CFAP77: variants seen among roughly 807,000 people sequenced by gnomAD.
CFAP77 encodes the protein cilia and flagella associated protein 77, also known as cilia- and flagella-associated protein 77.
In CFAP77, 25 loss-of-function variants were observed where a neutral mutation model predicts 31.1. That is an observed-to-expected ratio of 0.80 (90% confidence interval 0.59 to 1.12). CFAP77 has a LOEUF of 1.12. CFAP77 is among the 50% of genes most tolerant of loss of function. CFAP77 has a pLI of 0.00. For missense variants in CFAP77, 377 were observed against 397.3 expected (o/e 0.95, Z 0.44); for synonymous variants, 151 against 159.9 (o/e 0.94, Z 0.42).
At chr9:132,540,762 C>T (rs189771937) in intron 4 of CFAP77, among the ~76,000 whole-genome samples, 178 of 152,244 alleles carry the variant, frequency 1.2e-3, no homozygotes, top group Admixed American at 3.8e-3. Context: ...TTCAGATTAT[C>T]AGGATGTTCT....
intron 1 of CFAP77, among the ~76,000 whole-genome samples, chr9:132,479,280 A>G (rs1851404064): frequency 6.6e-6 from 1 of 152,186 alleles, no homozygotes; most frequent in Non-Finnish European, 1.5e-5. Context: ...CACAGTGCTC[A>G]GCCATCTTTT....
chr9:132,459,581 GTGTA>G (rs1007326134), intron 1 of CFAP77, among the ~76,000 whole-genome samples: 2 of 148,802 alleles, frequency 1.3e-5, no homozygotes, highest in African/African-American at 2.5e-5. Flanking sequence ...GTGCATGTAT[GTGTA>G]TGTATATATA....
rs1157577817 is a variant in CFAP77 at position 132,444,391 on chromosome 9, CTTA to C, written c.195+33930_195+33932del. On this transcript the variant is annotated intron_variant, in intron 1 of 5. Transcript: ENST00000393216. ...TGTGCTCTCTCCTTTGAGAATCTGCCTTATTATGGGCTGGATCCATGCCAGGAA... is the reference window on the plus strand; with the variant it reads ...TGTGCTCTCTCCTTTGAGAATCTGCCTTATGGGCTGGATCCATGCCAGGAA... Among the ~76,000 whole-genome samples the C allele has an allele frequency of 2.0e-5, 3 of 152,216 alleles. No homozygotes were observed. In the East Asian group the frequency reaches 5.8e-4, roughly 29 times the overall value.
In CFAP77 at chr9:132,483,193, C is replaced by T. The variant is rs139056067; in HGVS notation, c.196-15502C>T. ...GGCTGAGGCAGGACAATCGCTTGAA[C>T]CCAGGAGGCAGAGGTTGCAGTGAGC... On this transcript the variant is annotated intron_variant, in intron 1 of 5. Coordinates refer to ENST00000393216, the MANE Select transcript of CFAP77 (RefSeq NM_001282957.2). Among the ~76,000 whole-genome samples, 1,324 of 152,198 alleles carry T rather than the reference C, an allele frequency of 8.7e-3. 13 individuals carry two copies. Among genetic ancestry groups the T allele is most frequent in the African/African-American group, 0.03 (1,263 of 41,506 alleles).
intron 3 of CFAP77, among the ~76,000 whole-genome samples, chr9:132,536,418 G>T (rs903398208): frequency 3.1e-5 from 4 of 129,724 alleles, no homozygotes; most frequent in African/African-American, 1.1e-4. Context: ...TTTGGAGACA[G>T]AGTCTTGCTA....
At chr9:132,542,873 C>T in intron 4 of CFAP77, 73 bp from the exon 5 acceptor site, 1 of 1,193,218 alleles carries the variant, frequency 8.4e-7, no homozygotes, top group South Asian at 1.2e-5. Flanking sequence ...CCCTCTGTCT[C>T]TATATCCCTT....
intron 1 of CFAP77, among the ~76,000 whole-genome samples, chr9:132,438,865 TTTTTC>T (rs746589788): frequency 8.6e-5 from 13 of 150,456 alleles, no homozygotes; most frequent in African/African-American, 1.7e-4. Flanking sequence ...TGTTTTTTCT[TTTTTC>T]TTTTCTTTTC....
intron 1 of CFAP77, among the ~76,000 whole-genome samples, chr9:132,478,023 AT>A (rs1174141224): frequency 1.3e-5 from 2 of 151,516 alleles, no homozygotes; most frequent in Admixed American, 6.6e-5. Context: ...GTGTGGTGGA[AT>A]TTTTTTTTCC....
chr9:132,513,224 A>G lies in CFAP77; in HGVS notation c.524+13624A>G, dbSNP rs766123075. 3 of 1,532,456 alleles carry G rather than the reference A, an allele frequency of 2.0e-6. No homozygotes were observed. The South Asian group carries it at 3.7e-5, about 19-fold the overall frequency. 94.9% of individuals were successfully genotyped at this position (1,532,456 alleles called of 1,614,324 possible). On this transcript the variant is annotated intron_variant, in intron 3 of 5. Coordinates refer to ENST00000393216, the MANE Select transcript of CFAP77 (RefSeq NM_001282957.2). ...TATTGACTCTAGTCAAGGGAGCAAA[A>G]CATTTTAACCAATCCTTTCTTTTGT... is the stretch of plus-strand genomic sequence containing the variant.
chr9:132,444,977 T>TC (rs1378480973), intron 1 of CFAP77, among the ~76,000 whole-genome samples: 4 of 148,648 alleles, frequency 2.7e-5, no homozygotes, highest in South Asian at 2.1e-4. Context: ...TTTCTTTCTT[T>TC]TTTTTTTTTT....
In CFAP77 at chr9:132,538,816, G is replaced by A. The variant is rs375121944; in HGVS notation, c.630+1110G>A. On this transcript the variant is annotated intron_variant, in intron 4 of 5. Coordinates refer to ENST00000393216, the MANE Select transcript of CFAP77 (RefSeq NM_001282957.2). ...AGAATGGTACTTCCTGGCTGGGTACGGTGGCTCACACCTGTAATCCCAGCA... is the reference window on the plus strand; with the variant it reads ...AGAATGGTACTTCCTGGCTGGGTACAGTGGCTCACACCTGTAATCCCAGCA... Among the ~76,000 whole-genome samples, 75 of 151,496 alleles carry A rather than the reference G, an allele frequency of 5.0e-4. 1 individual carries two copies. The South Asian group carries it at 0.014, about 29-fold the overall frequency.
intron 1 of CFAP77, among the ~76,000 whole-genome samples, chr9:132,419,464 A>G (rs991624386): frequency 3.9e-5 from 6 of 152,208 alleles, no homozygotes; most frequent in Non-Finnish European, 8.8e-5. Context: ...AAGATGGGGC[A>G]CCCAAAAAGG....
intron 5 of CFAP77, among the ~76,000 whole-genome samples, chr9:132,570,898 T>A (rs182348648): frequency 6.6e-6 from 1 of 152,270 alleles, no homozygotes; most frequent in East Asian, 1.9e-4. Flanking sequence ...GGGGCAGCCC[T>A]GAACCACACT....
At chr9:132,482,960 T>TA (rs11453776) in intron 1 of CFAP77, among the ~76,000 whole-genome samples, 66,424 of 140,900 alleles carry the variant, frequency 0.47, 16,375 homozygotes, top group East Asian at 0.65. Flanking sequence ...AATAATAATT[T>TA]AAAAAAAAAA....
intron 3 of CFAP77, among the ~76,000 whole-genome samples, chr9:132,535,794 T>C (rs545962780): frequency 1.6e-4 from 24 of 152,262 alleles, no homozygotes; most frequent in Non-Finnish European, 3.1e-4. Context: ...TGACATACAA[T>C]TAGGTTCATT....
At chr9:132,459,578 T>C (rs1376982562) in intron 1 of CFAP77, among the ~76,000 whole-genome samples, 1 of 148,548 alleles carries the variant, frequency 6.7e-6, no homozygotes. Context: ...TGTGTGCATG[T>C]ATGTGTATGT....
intron 3 of CFAP77, chr9:132,513,521 C>T (rs950290708): frequency 8.5e-6 from 6 of 709,566 alleles, no homozygotes; most frequent in African/African-American, 3.6e-5. Flanking sequence ...TTTGCTCTGT[C>T]GTTAGCGATC....
chr9:132,465,396 T>C (rs535513596), intron 1 of CFAP77, among the ~76,000 whole-genome samples: 12 of 152,198 alleles, frequency 7.9e-5, no homozygotes, highest in Non-Finnish European at 1.5e-4. Context: ...ATGAAGGTTG[T>C]GTTGGGGGAA....
chr9:132,507,169 A>T (rs1194206720), intron 3 of CFAP77, among the ~76,000 whole-genome samples: 1 of 152,236 alleles, frequency 6.6e-6, no homozygotes, highest in African/African-American at 2.4e-5. Flanking sequence ...TTGTCAGGGC[A>T]TCCAGAACTT....
Sources: gnomAD v4.1 joint callset for allele counts (sites outside exome capture counted in the v4.1 genomes callset) on GRCh38, gnomAD v4.1.1 for gene constraint, MANE v1.5 for transcripts, NCBI Gene and HGNC (gene_info 2026-07-23, HGNC 2026-07-21) for gene names.